FAM153A: variants seen among roughly 807,000 people sequenced by gnomAD.
FAM153A encodes the protein protein FAM153A.
A neutral mutation model predicts 48.1 loss-of-function variants in FAM153A; 12 were observed. The observed-to-expected ratio is 0.25, with a 90% CI of 0.16 to 0.40. FAM153A has a LOEUF of 0.40. FAM153A is among the 10% of genes least tolerant of loss of function. FAM153A has a pLI of 1.00. For synonymous variants in FAM153A, 36 were observed against 118.2 expected (o/e 0.30, Z 4.51); for missense variants, 111 against 345.8 (o/e 0.32, Z 5.38).
upstream of FAM153A, chr5:177,782,171 A>G (rs1769740893): frequency 8.9e-6 from 1 of 112,776 alleles, no homozygotes; most frequent in Non-Finnish European, 1.9e-5. Flanking sequence ...CACATTCTCC[A>G]CCAAGCGCTC....
chr5:177,701,995 C>T, the FAM153A span, among the ~76,000 whole-genome samples: 1 of 151,502 alleles, frequency 6.6e-6, no homozygotes, highest in African/African-American at 2.4e-5. Context: ...GCAAGCTCCG[C>T]CTCCCGGGTT....
the FAM153A span, among the ~76,000 whole-genome samples, chr5:177,696,034 G>A: frequency 4.1e-3 from 579 of 141,440 alleles, 4 homozygotes; most frequent in African/African-American, 0.016. Flanking sequence ...TAGATGGGGC[G>A]GCCGGGCAGA....
chr5:177,711,636 TATGCCAAAAGAA>T (rs1185045643), exon 27 of FAM153A: 1 of 151,950 alleles, frequency 6.6e-6, no homozygotes, highest in African/African-American at 2.4e-5. Flanking sequence ...CAATTTAAAT[TATGCCAAAAGAA>T]GTAATGTGTT....
intron 2 of FAM153A, among the ~76,000 whole-genome samples, chr5:177,749,461 C>A (rs1376672239): frequency 9.6e-6 from 1 of 104,006 alleles, no homozygotes; most frequent in Non-Finnish European, 2.0e-5. Flanking sequence ...ACACGATGTA[C>A]AAACAATATG....
At chr5:177,707,079 C>T (rs1009794218), downstream of FAM153A, among the ~76,000 whole-genome samples, 1 of 151,914 alleles carries the variant, frequency 6.6e-6, no homozygotes, top group African/African-American at 2.4e-5. Context: ...CAGACAGAGA[C>T]AGACAATAAT....
At chr5:177,706,070 C>T (rs1393667185), downstream of FAM153A, among the ~76,000 whole-genome samples, 1 of 152,008 alleles carries the variant, frequency 6.6e-6, no homozygotes, top group Middle Eastern at 3.4e-3. Context: ...TCTATAGATT[C>T]CACACAATCC....
chr5:177,697,471 A>G, the FAM153A span, among the ~76,000 whole-genome samples: 6,540 of 151,478 alleles, frequency 0.043, 427 homozygotes, highest in African/African-American at 0.13. Flanking sequence ...TGCAGACTGC[A>G]CAGCCTCATC....
downstream of FAM153A, among the ~76,000 whole-genome samples, chr5:177,704,975 T>C (rs1458522684): frequency 2.7e-5 from 4 of 146,128 alleles, no homozygotes; most frequent in Non-Finnish European, 4.5e-5. Flanking sequence ...CACTCCAGCC[T>C]GGGTGACAGA....
chr5:177,709,379 C>T (rs1392923027), downstream of FAM153A, among the ~76,000 whole-genome samples: 81 of 69,616 alleles, frequency 1.2e-3, no homozygotes, highest in Middle Eastern at 0.025. Context: ...TTTTTTTTTC[C>T]GAGATGAAGT....
the FAM153A span, among the ~76,000 whole-genome samples, chr5:177,701,586 AAAAT>A: frequency 6.7e-5 from 7 of 104,748 alleles, no homozygotes; most frequent in African/African-American, 2.4e-4. Context: ...TAAATTTTAA[AAAAT>A]AAATAAAATT....
downstream of FAM153A, among the ~76,000 whole-genome samples, chr5:177,705,021 A>G (rs1018319438): frequency 6.7e-5 from 10 of 149,974 alleles, no homozygotes; most frequent in Admixed American, 1.3e-4. Context: ...AAAATTATAT[A>G]GACTGGGTGC....
intron 10 of FAM153A, among the ~76,000 whole-genome samples, chr5:177,737,589 C>A (rs1451282816): frequency 6.6e-6 from 1 of 151,348 alleles, no homozygotes; most frequent in Non-Finnish European, 1.5e-5. Context: ...TGTGCAATCT[C>A]AACCCACCAC....
upstream of FAM153A, among the ~76,000 whole-genome samples, chr5:177,754,524 T>A (rs1349145594): frequency 2.6e-5 from 4 of 151,816 alleles, no homozygotes; most frequent in Admixed American, 1.3e-4. Context: ...ATCTGAGAAC[T>A]GACAGACTGC....
chr5:177,696,857 T>C, the FAM153A span, among the ~76,000 whole-genome samples: 56 of 151,450 alleles, frequency 3.7e-4, 3 homozygotes, highest in African/African-American at 1.4e-3. Context: ...AGATTTATAA[T>C]ATGTTTTGAA....
At chr5:177,698,631 T>TA in the FAM153A span, among the ~76,000 whole-genome samples, 6 of 152,092 alleles carry the variant, frequency 3.9e-5, no homozygotes, top group African/African-American at 1.2e-4. Flanking sequence ...GTTTAAAAAA[T>TA]AAACTGTCAC....
downstream of FAM153A, among the ~76,000 whole-genome samples, chr5:177,707,622 A>C (rs974651458): frequency 6.7e-6 from 1 of 148,172 alleles, no homozygotes; most frequent in Admixed American, 7.0e-5. Context: ...TGATTAAATA[A>C]CTTTTTTTTT....
At chr5:177,694,713 AG>A in the FAM153A span, among the ~76,000 whole-genome samples, 1 of 93,034 alleles carries the variant, frequency 1.1e-5, no homozygotes, top group Non-Finnish European at 2.1e-5. Flanking sequence ...CTATCAGCTG[AG>A]GGTCTGGTGA....
rs1396476088 is a variant in FAM153A, at chr5:177,712,967, C to T, written c.*1595G>A. On this transcript the variant is annotated 3_prime_UTR_variant and NMD_transcript_variant, in exon 27 of 27. Transcript: ENST00000360669. ...TACACAAACAATACCAAATAATGGA[C>T]TATGTGTCCATCTTGTCCATCTTTG... 2.6e-5 allele frequency: 4 copies of T among 151,882 alleles called. No individual in the cohort carries two copies. In the East Asian group the frequency reaches 7.7e-4, roughly 29 times the overall value. 9.4% of individuals were successfully genotyped at this position (151,882 alleles called of 1,614,324 possible).
downstream of FAM153A, chr5:177,717,299 G>A (rs2127572150): frequency 7.1e-6 from 1 of 141,778 alleles, no homozygotes; most frequent in South Asian, 2.4e-4. Context: ...TCATTTGCCT[G>A]TTGAAAGAAT....
Sources: gnomAD v4.1 joint callset for allele counts (sites outside exome capture counted in the v4.1 genomes callset) on GRCh38, gnomAD v4.1.1 for gene constraint, MANE v1.5 for transcripts, NCBI Gene and HGNC (gene_info 2026-07-23, HGNC 2026-07-21) for gene names.